The following ESRRG variants were observed in gnomAD, a reference collection of about 807,000 sequenced individuals.
ESRRG encodes the protein estrogen related receptor gamma, also known as estrogen-related receptor gamma.
Under a neutral mutation model 44.0 loss-of-function variants are expected in ESRRG, and 13 were observed. The observed-to-expected ratio is 0.30, with a 90% CI of 0.19 to 0.47. The LOEUF is 0.47. Ranked by LOEUF, ESRRG falls within the 20% of genes least tolerant of loss-of-function variation. The pLI is 1.00. For missense variants in ESRRG, 395 were observed against 580.6 expected (o/e 0.68, Z 3.29); for synonymous variants, 215 against 214.6 (o/e 1.00, Z -0.02).
At chr1:216,742,007 C>G (rs906002784) in intron 2 of ESRRG, among the ~76,000 whole-genome samples, 3 of 152,144 alleles carry the variant, frequency 2.0e-5, no homozygotes, top group Non-Finnish European at 2.9e-5. Context: ...TTTTACCCCA[C>G]ATTTTCCACT....
At chr1:217,072,916 A>G (rs2151459791) in intron 1 of ESRRG, among the ~76,000 whole-genome samples, 1 of 152,190 alleles carries the variant, frequency 6.6e-6, no homozygotes, top group South Asian at 2.1e-4. Flanking sequence ...CCCTAGAAAA[A>G]CATGACAAAT....
chr1:216,517,408 C>T (rs1010524463), intron 6 of ESRRG, among the ~76,000 whole-genome samples: 11 of 152,088 alleles, frequency 7.2e-5, no homozygotes, highest in Non-Finnish European at 1.5e-5. Flanking sequence ...TTATAATAGT[C>T]ATAAAGTACA....
intron 3 of ESRRG, among the ~76,000 whole-genome samples, chr1:216,570,505 T>G (rs2149651156): frequency 6.6e-6 from 1 of 152,326 alleles, no homozygotes; most frequent in African/African-American, 2.4e-5. Flanking sequence ...CTTCAAAATT[T>G]TCTTCAGAAT....
chr1:217,099,969 ATTTTCT>A (rs1238241640), intron 1 of ESRRG, among the ~76,000 whole-genome samples: 1 of 146,076 alleles, frequency 6.8e-6, no homozygotes, highest in African/African-American at 2.6e-5. Flanking sequence ...GTTCCGTTAC[ATTTTCT>A]TTTTATCCAG....
intron 1 of ESRRG, among the ~76,000 whole-genome samples, chr1:216,713,683 T>A (rs1206704674): frequency 6.6e-6 from 1 of 152,322 alleles, no homozygotes; most frequent in East Asian, 1.9e-4. Flanking sequence ...TTTATCAACA[T>A]ATTCACCTGT....
At position 216,895,346 on chromosome 1, in the gene ESRRG, C is replaced by T. The variant is rs954948346; in HGVS notation, c.-14+44236G>A. On this transcript the variant is annotated intron_variant, in intron 2 of 7. Transcript: ENST00000359162. ...AACTCATAAAACCTATTAATTAAGACCTATTGATCACTGGGATTTATTGAT... is the reference window on the plus strand; with the variant it reads ...AACTCATAAAACCTATTAATTAAGATCTATTGATCACTGGGATTTATTGAT... Among the ~76,000 whole-genome samples the T allele has an allele frequency of 3.3e-5, 5 of 152,234 alleles. 1 individual carries two copies. Among genetic ancestry groups the T allele is most frequent in the Admixed American group, 6.5e-5 (1 of 15,294 alleles).
Position 216,592,417 on chromosome 1 carries a change from A to AT in ESRRG, c.590-24320dup, listed in dbSNP as rs573442163. ...GTAATATTACCTCCAGTGGATCTTG[A>AT]TTTTCTTTTTCCACACCTCTTATAT... On this transcript the variant is annotated intron_variant, in intron 3 of 6. Transcript: ENST00000408911. 1.2e-3 allele frequency among the ~76,000 whole-genome samples: 186 copies of AT among 151,116 alleles called. 1 individual carries two copies. Among genetic ancestry groups the AT allele is most frequent in the African/African-American group, 4.4e-3 (180 of 41,138 alleles).
chr1:216,823,923 G>T (rs1224378792), intron 2 of ESRRG, among the ~76,000 whole-genome samples: 1 of 152,124 alleles, frequency 6.6e-6, no homozygotes, highest in Non-Finnish European at 1.5e-5. Flanking sequence ...AGGGAAGTCT[G>T]TTTTGTATAT....
chr1:216,572,441 CATA>C (rs1282307818), intron 3 of ESRRG, among the ~76,000 whole-genome samples: 3 of 151,956 alleles, frequency 2.0e-5, no homozygotes, highest in Non-Finnish European at 4.4e-5. Flanking sequence ...TCATGTAAAT[CATA>C]ATAATACATG....
intron 1 of ESRRG, among the ~76,000 whole-genome samples, chr1:216,721,801 C>G (rs1311446338): frequency 6.6e-6 from 1 of 152,192 alleles, no homozygotes; most frequent in Non-Finnish European, 1.5e-5. Flanking sequence ...CACTAACCTT[C>G]AAACTACACT....
intron 6 of ESRRG, among the ~76,000 whole-genome samples, chr1:216,516,956 A>G (rs1055295344): frequency 1.4e-4 from 22 of 152,166 alleles, no homozygotes; most frequent in African/African-American, 5.1e-4. Context: ...TGGGTGAAGA[A>G]AAGGCCATAA....
chr1:217,037,611 C>G (rs532008677), intron 1 of ESRRG, among the ~76,000 whole-genome samples: 2 of 152,048 alleles, frequency 1.3e-5, no homozygotes, highest in Non-Finnish European at 2.9e-5. Flanking sequence ...TTATTCCACC[C>G]CAGCCCCTCC....
intron 1 of ESRRG, among the ~76,000 whole-genome samples, chr1:217,084,471 GA>G: frequency 6.6e-6 from 1 of 151,730 alleles, no homozygotes. Context: ...CTTAGAATGA[GA>G]CCAAACTTAA....
chr1:217,110,185 G>A (rs147250764), intron 1 of ESRRG, among the ~76,000 whole-genome samples: 31 of 152,238 alleles, frequency 2.0e-4, no homozygotes, highest in African/African-American at 6.3e-4. Context: ...TCATGCACAC[G>A]CCAAATATGG....
rs985536733 is a variant in ESRRG at position 217,133,129 on chromosome 1, T to C, written c.-230+4538A>G. On this transcript the variant is annotated intron_variant, in intron 1 of 8. Coordinates refer to the ESRRG transcript ENST00000366940. ...GACAGGCCAGAAAGAAGCCTGCTGTTGGGAGAGCGAACTAGAAAGCTATGG... is the reference window on the plus strand; with the variant it reads ...GACAGGCCAGAAAGAAGCCTGCTGTCGGGAGAGCGAACTAGAAAGCTATGG... 5.3e-5 allele frequency among the ~76,000 whole-genome samples: 8 copies of C among 152,310 alleles called. No homozygotes were observed. The East Asian group carries it at 1.5e-3, about 29-fold the overall frequency.
intron 2 of ESRRG, among the ~76,000 whole-genome samples, chr1:216,806,358 A>T (rs1177191131): frequency 6.6e-6 from 1 of 152,230 alleles, no homozygotes; most frequent in African/African-American, 2.4e-5. Context: ...GCTGCAAGCC[A>T]ATTACCTTAT....
chr1:216,568,515 C>T (rs2060093665), intron 3 of ESRRG, among the ~76,000 whole-genome samples: 1 of 152,166 alleles, frequency 6.6e-6, no homozygotes, highest in Admixed American at 6.5e-5. Context: ...CAACTTCCCT[C>T]CAGTCTGCCA....
intron 1 of ESRRG, among the ~76,000 whole-genome samples, chr1:217,043,845 C>T (rs1267766455): frequency 2.0e-5 from 3 of 151,908 alleles, no homozygotes; most frequent in African/African-American, 7.3e-5. Context: ...ATAATGGTCC[C>T]TCCTTAATAC....
chr1:216,827,850 T>A (rs892250839), intron 2 of ESRRG, among the ~76,000 whole-genome samples: 2 of 152,146 alleles, frequency 1.3e-5, no homozygotes, highest in African/African-American at 4.8e-5. Context: ...GTAAGCTTAT[T>A]TCCAAATAGA....
Sources: allele counts gnomAD v4.1 joint callset (sites outside exome capture counted in the v4.1 genomes callset), GRCh38; gene constraint gnomAD v4.1.1; transcripts MANE v1.5; gene names NCBI Gene and HGNC (gene_info 2026-07-23, HGNC 2026-07-21).